CDKAL1: variants seen among roughly 807,000 people sequenced by gnomAD.
CDKAL1 encodes threonylcarbamoyladenosine tRNA methylthiotransferase.
A neutral mutation model predicts 68.2 loss-of-function variants in CDKAL1; 32 were observed. The observed-to-expected ratio is 0.47, with a 90% CI of 0.35 to 0.63. CDKAL1 has a LOEUF of 0.63. Ranked by LOEUF, CDKAL1 falls within the 30% of genes least tolerant of loss-of-function variation. CDKAL1 has a pLI of 0.00. For synonymous variants in CDKAL1, 234 were observed against 244.3 expected (o/e 0.96, Z 0.39); for missense variants, 606 against 696.7 (o/e 0.87, Z 1.47).
chr6:21,018,960 A>G (rs1052399336), intron 11 of CDKAL1, among the ~76,000 whole-genome samples: 11 of 151,770 alleles, frequency 7.2e-5, no homozygotes, highest in African/African-American at 2.7e-4. Context: ...TATTTATTTA[A>G]TTATTTAGAG....
intron 6 of CDKAL1, among the ~76,000 whole-genome samples, chr6:20,757,306 A>G (rs775845275): frequency 2.1e-4 from 32 of 152,128 alleles, no homozygotes; most frequent in Non-Finnish European, 3.5e-4. Context: ...GCAGAGTTGT[A>G]TAATAATGAA....
rs1431021763 is a variant in CDKAL1, at chr6:21,150,246, C to CG, written c.1299+41788dup. Among the ~76,000 whole-genome samples the CG allele has an allele frequency of 3.3e-5, 5 of 152,072 alleles. No individual in the cohort carries two copies. In the South Asian group the frequency reaches 6.2e-4, roughly 19 times the overall value. On this transcript the variant is annotated intron_variant, in intron 13 of 15. Coordinates refer to ENST00000274695, the MANE Select transcript of CDKAL1 (RefSeq NM_017774.3). Reference sequence around the variant, plus strand: ...CAGGAGTTACCAAACAGCACGCTTCCGGGGGCAAGAAAAGAATGGATGTTG... The same window carrying CG: ...CAGGAGTTACCAAACAGCACGCTTCCGGGGGGCAAGAAAAGAATGGATGTTG...
intron 12 of CDKAL1, among the ~76,000 whole-genome samples, chr6:21,083,767 T>C (rs1183055150): frequency 6.6e-6 from 1 of 152,248 alleles, no homozygotes; most frequent in East Asian, 1.9e-4. Flanking sequence ...ATACAGTTCC[T>C]AAGCCTTTTT....
At chr6:21,039,246 C>CT (rs1232914647) in intron 11 of CDKAL1, among the ~76,000 whole-genome samples, 1 of 152,174 alleles carries the variant, frequency 6.6e-6, no homozygotes, top group Admixed American at 6.5e-5. Flanking sequence ...TTATGAGAAT[C>CT]TAACACCTGA....
chr6:21,224,783 G>GAACTC (rs1382588691), intron 15 of CDKAL1, among the ~76,000 whole-genome samples: 1 of 152,178 alleles, frequency 6.6e-6, no homozygotes, highest in African/African-American at 2.4e-5. Flanking sequence ...TAGCAATAGA[G>GAACTC]AACTCACATA....
In CDKAL1 at chr6:21,048,813, GT is replaced by G. The variant is rs556573948; in HGVS notation, c.1056-16227del. 1.6e-3 allele frequency among the ~76,000 whole-genome samples: 249 copies of G among 151,132 alleles called. 1 individual carries two copies. Among genetic ancestry groups the G allele is most frequent in the Middle Eastern group, 6.9e-3 (2 of 290 alleles). On this transcript the variant is annotated intron_variant, in intron 11 of 15. Transcript: ENST00000274695. Reference sequence around the variant, plus strand: ...TGATCTGGGTTTCAGTCTCTAAGTGGTTTTTTTTCAAGGTTTAATTTTAAAA... The same window carrying G: ...TGATCTGGGTTTCAGTCTCTAAGTGGTTTTTTTCAAGGTTTAATTTTAAAA...
chr6:20,647,082 GT>G (rs201199338), intron 4 of CDKAL1, among the ~76,000 whole-genome samples: 4 of 151,650 alleles, frequency 2.6e-5, no homozygotes, highest in African/African-American at 7.3e-5. Flanking sequence ...ACAATTGCTA[GT>G]TTTTTTTTAT....
chr6:20,721,737 T>G (rs1020339268), intron 5 of CDKAL1, among the ~76,000 whole-genome samples: 3 of 140,222 alleles, frequency 2.1e-5, no homozygotes, highest in East Asian at 4.0e-4. Flanking sequence ...TTTTTTTTTT[T>G]TTTTTTTTTT....
intron 13 of CDKAL1, among the ~76,000 whole-genome samples, chr6:21,132,459 A>T (rs550538121): frequency 2.4e-3 from 364 of 152,270 alleles, no homozygotes; most frequent in Middle Eastern, 0.014. Flanking sequence ...CTGAAATTTT[A>T]AAAATCTCTT....
At chr6:20,777,184 T>C (rs1775207102) in intron 7 of CDKAL1, among the ~76,000 whole-genome samples, 1 of 152,192 alleles carries the variant, frequency 6.6e-6, no homozygotes, top group African/African-American at 2.4e-5. Flanking sequence ...TGGAATGGGC[T>C]TTGTAAGAAA....
intron 13 of CDKAL1, among the ~76,000 whole-genome samples, chr6:21,161,734 T>C (rs183133648): frequency 1.3e-5 from 2 of 152,324 alleles, no homozygotes; most frequent in East Asian, 3.9e-4. Context: ...GCATGGCTTC[T>C]TTTATGGGCT....
At chr6:21,059,317 C>T (rs1771010671) in intron 11 of CDKAL1, among the ~76,000 whole-genome samples, 1 of 152,222 alleles carries the variant, frequency 6.6e-6, no homozygotes. Context: ...CAGCCACCCT[C>T]ACCTCTAGGA....
chr6:20,593,324 A>G (rs1033921135), intron 4 of CDKAL1, among the ~76,000 whole-genome samples: 21 of 152,102 alleles, frequency 1.4e-4, no homozygotes, highest in Non-Finnish European at 2.5e-4. Context: ...TTGGTAGGCT[A>G]TTAATTACTG....
At chr6:20,900,491 C>T (rs1289658659) in intron 9 of CDKAL1, among the ~76,000 whole-genome samples, 2 of 152,188 alleles carry the variant, frequency 1.3e-5, no homozygotes, top group African/African-American at 2.4e-5. Flanking sequence ...GCACCAGCAT[C>T]GTAAGTAGAT....
chr6:21,111,472 C>T (rs1312325841), intron 13 of CDKAL1, among the ~76,000 whole-genome samples: 2 of 152,176 alleles, frequency 1.3e-5, no homozygotes, highest in African/African-American at 4.8e-5. Flanking sequence ...TGTATTTGCT[C>T]TTCTTTCCTT....
chr6:20,751,877 G>A (rs563688113), intron 6 of CDKAL1, among the ~76,000 whole-genome samples: 1 of 152,232 alleles, frequency 6.6e-6, no homozygotes. Context: ...TAGAGAATAA[G>A]CTCTTGTGTA....
At chr6:20,858,421 G>A (rs1165382573) in intron 9 of CDKAL1, among the ~76,000 whole-genome samples, 1 of 152,006 alleles carries the variant, frequency 6.6e-6, no homozygotes, top group Non-Finnish European at 1.5e-5. Flanking sequence ...AAGAAGAAAG[G>A]GACCTTGAAC....
At chr6:20,734,584 T>C (rs1216031647) in intron 5 of CDKAL1, among the ~76,000 whole-genome samples, 2 of 152,204 alleles carry the variant, frequency 1.3e-5, no homozygotes, top group African/African-American at 4.8e-5. Context: ...ACAAAAATAC[T>C]GTGTGAATTT....
chr6:20,654,606 A>G (rs931166927), intron 5 of CDKAL1, among the ~76,000 whole-genome samples: 2 of 152,170 alleles, frequency 1.3e-5, no homozygotes, highest in Non-Finnish European at 1.5e-5. Context: ...TAATTCATCT[A>G]GAGTTGACTG....
Sources: gnomAD v4.1 joint callset for allele counts (sites outside exome capture counted in the v4.1 genomes callset) on GRCh38, gnomAD v4.1.1 for gene constraint, MANE v1.5 for transcripts, NCBI Gene and HGNC (gene_info 2026-07-23, HGNC 2026-07-21) for gene names.